Variants in VKORC1L1 observed in about 807,000 individuals in gnomAD.
VKORC1L1 encodes vitamin K epoxide reductase complex subunit 1-like protein 1.
A neutral mutation model predicts 18.9 loss-of-function variants in VKORC1L1; 2 were observed. The observed-to-expected ratio is 0.11, with a 90% CI of 0.04 to 0.33. The LOEUF (loss-of-function observed/expected upper bound fraction) is 0.33. Among genes scored for constraint, VKORC1L1 ranks in the 10% least tolerant of loss-of-function variants. The probability of loss-of-function intolerance (pLI) is 1.00; values close to 1 mark genes in which losing one functional copy is unlikely to be tolerated. For synonymous variants in VKORC1L1, 96 were observed against 100.0 expected, an observed-to-expected ratio of 0.96 and a Z score of 0.24; for missense variants, 123 against 224.1, an observed-to-expected ratio of 0.55 and a Z score of 2.88.
At chr7:65,934,759 TA>T (rs1369585696) in intron 1 of VKORC1L1, among the ~76,000 whole-genome samples, 1 of 151,846 alleles carries the variant, frequency 6.6e-6, no homozygotes, top group African/African-American at 2.4e-5. Context: ...CTTTAGATAT[TA>T]AAAAAAAGTC....
intron 1 of VKORC1L1, among the ~76,000 whole-genome samples, chr7:65,915,942 C>T (rs568946951): frequency 1.4e-3 from 206 of 151,786 alleles, no homozygotes; most frequent in Non-Finnish European, 2.6e-3. Flanking sequence ...GAAACCCCGT[C>T]TCTACTAAAA....
chr7:65,954,366 T>TTTATTATTATTA lies in VKORC1L1; in HGVS notation c.*81_*92dup, dbSNP rs35431841. ...CATTCAGTTTATTTTGCAGCAGGTT[T>TTTATTATTATTA]TTATTATTATTATTATTATTATTAT... On this transcript the variant is annotated 3_prime_UTR_variant, in exon 3 of 3. Coordinates refer to ENST00000360768, the MANE Select transcript of VKORC1L1 (RefSeq NM_173517.6). 1 of 1,477,410 alleles carries TTTATTATTATTA rather than the reference T, an allele frequency of 6.8e-7. No individual in the cohort carries two copies. Among genetic ancestry groups the TTTATTATTATTA allele is most frequent in the Middle Eastern group, 2.0e-4 (1 of 4,890 alleles). 91.5% of individuals were successfully genotyped at this position (1,477,410 alleles called of 1,614,324 possible).
chr7:65,898,757 T>G (rs149143192), intron 1 of VKORC1L1, among the ~76,000 whole-genome samples: 71 of 152,334 alleles, frequency 4.7e-4, no homozygotes, highest in African/African-American at 1.6e-3. Context: ...CTCAGTAGTG[T>G]AAAGTATATT....
At chr7:65,952,933 G>A (rs1790237528) in intron 2 of VKORC1L1, among the ~76,000 whole-genome samples, 1 of 151,682 alleles carries the variant, frequency 6.6e-6, no homozygotes, top group Admixed American at 6.6e-5. Flanking sequence ...TTGCAAGCGT[G>A]CAATACCATG....
At chr7:65,882,319 C>T (rs890003879) in intron 1 of VKORC1L1, among the ~76,000 whole-genome samples, 1 of 150,794 alleles carries the variant, frequency 6.6e-6, no homozygotes. Context: ...GCAGAGGTTG[C>T]AGTGAGCCAA....
At chr7:65,926,969 T>C (rs1236225309) in intron 1 of VKORC1L1, among the ~76,000 whole-genome samples, 1 of 147,252 alleles carries the variant, frequency 6.8e-6, no homozygotes, top group African/African-American at 2.5e-5. Flanking sequence ...AAGTGGGAGG[T>C]TGGAAGAAAG....
chr7:65,954,045 T>G (rs772122860), intron 2 of VKORC1L1, 29 bp from the exon 3 acceptor site: 1 of 1,566,764 alleles, frequency 6.4e-7, no homozygotes, highest in Non-Finnish European at 8.7e-7. Flanking sequence ...CACCAAGGCC[T>G]GACTGAGCCT....
intron 1 of VKORC1L1, among the ~76,000 whole-genome samples, chr7:65,931,396 A>G (rs142939602): frequency 1.5e-3 from 223 of 152,256 alleles, no homozygotes; most frequent in African/African-American, 5.2e-3. Context: ...ATTTTTAACT[A>G]GTAATAGGAA....
At chr7:65,876,366 G>T (rs1254679330) in intron 1 of VKORC1L1, among the ~76,000 whole-genome samples, 1 of 152,070 alleles carries the variant, frequency 6.6e-6, no homozygotes, top group East Asian at 1.9e-4. Context: ...GCTGGGCGTG[G>T]TAGCATGCAC....
rs931576464 is a variant in VKORC1L1 at position 65,958,861 on chromosome 7, T to G, written c.*4561T>G. 3 of 152,228 alleles carry G rather than the reference T, an allele frequency of 2.0e-5. No individual in the cohort carries two copies. Among genetic ancestry groups the G allele is most frequent in the Non-Finnish European group, 4.4e-5 (3 of 68,050 alleles). The allele number at this position is 152,228 out of a possible 1,614,324, so 9.4% of individuals were successfully genotyped here. On this transcript the variant is annotated 3_prime_UTR_variant, in exon 3 of 3. Coordinates refer to ENST00000360768, the MANE Select transcript of VKORC1L1 (RefSeq NM_173517.6). ...GTATTAATGAGCTGTTTTTCCATAG[T>G]TTTACTTTAGCTTACCTTGAATACT...
At chr7:65,889,954 CTTTTTT>C (rs71526511) in intron 1 of VKORC1L1, among the ~76,000 whole-genome samples, 18,539 of 151,306 alleles carry the variant, frequency 0.12, 1,150 homozygotes, top group Middle Eastern at 0.2. Flanking sequence ...CATTCTCTCT[CTTTTTT>C]TGTTTTTGTT....
chr7:65,868,089 C>T (rs1788684009), upstream of VKORC1L1, among the ~76,000 whole-genome samples: 2 of 152,152 alleles, frequency 1.3e-5, no homozygotes, highest in Non-Finnish European at 2.9e-5. Flanking sequence ...TCAGGTGATT[C>T]ACCTGCCTAG....
intron 1 of VKORC1L1, among the ~76,000 whole-genome samples, chr7:65,902,419 T>G (rs1183134539): frequency 6.6e-6 from 1 of 152,144 alleles, no homozygotes; most frequent in Non-Finnish European, 1.5e-5. Context: ...TCAGTGGACT[T>G]GAAGACAGCA....
At chr7:65,893,148 T>A (rs1050603007) in intron 1 of VKORC1L1, among the ~76,000 whole-genome samples, 110 of 152,370 alleles carry the variant, frequency 7.2e-4, no homozygotes, top group African/African-American at 2.5e-3. Flanking sequence ...CTCATTTTTT[T>A]AATCTGTTTT....
intron 2 of VKORC1L1, among the ~76,000 whole-genome samples, chr7:65,951,522 T>A (rs567064045): frequency 3.3e-5 from 5 of 151,760 alleles, no homozygotes; most frequent in Non-Finnish European, 1.5e-5. Flanking sequence ...TGCAGTGAGC[T>A]AATGTCGCAC....
intron 1 of VKORC1L1, among the ~76,000 whole-genome samples, chr7:65,938,862 G>A (rs892554621): frequency 1.3e-5 from 2 of 152,152 alleles, no homozygotes; most frequent in African/African-American, 4.8e-5. Flanking sequence ...GCTCATGACT[G>A]TGTGGTCCTA....
chr7:65,912,581 T>A (rs1170756597), intron 1 of VKORC1L1, among the ~76,000 whole-genome samples: 2 of 152,220 alleles, frequency 1.3e-5, no homozygotes, highest in Non-Finnish European at 2.9e-5. Context: ...AACAGCTGAC[T>A]GAGGGCTCCA....
chr7:65,890,171 C>T (rs1435789957), intron 1 of VKORC1L1, among the ~76,000 whole-genome samples: 10 of 142,284 alleles, frequency 7.0e-5, no homozygotes, highest in Non-Finnish European at 1.2e-4. Flanking sequence ...CGCTCTGTTT[C>T]CCAGGCTGGA....
intron 1 of VKORC1L1, among the ~76,000 whole-genome samples, chr7:65,885,198 A>G (rs1313884945): frequency 1.3e-5 from 2 of 152,026 alleles, no homozygotes; most frequent in Non-Finnish European, 2.9e-5. Context: ...TTTCTTCTGG[A>G]TATTGCCTGT....
Sources: allele counts gnomAD v4.1 joint callset (sites outside exome capture counted in the v4.1 genomes callset), GRCh38; gene constraint gnomAD v4.1.1; transcripts MANE v1.5; gene names NCBI Gene and HGNC (gene_info 2026-07-23, HGNC 2026-07-21).